Variants in MTMR11 observed in about 807,000 individuals in gnomAD.
The protein encoded by MTMR11 is myotubularin related protein 11.
A neutral mutation model predicts 100.0 loss-of-function variants in MTMR11; 89 were observed. The ratio of observed to expected loss-of-function variants is 0.89; its 90% CI spans 0.75 to 1.06. The LOEUF (loss-of-function observed/expected upper bound fraction) is 1.06. MTMR11 is among the 50% of genes least tolerant of loss of function. The pLI is 0.00. For synonymous variants in MTMR11, 336 were observed against 326.3 expected, an observed-to-expected ratio of 1.03 and a Z score of -0.32; for missense variants, 809 against 873.7, an observed-to-expected ratio of 0.93 and a Z score of 0.93.
At chr1:149,931,500 A>G in intron 12 of MTMR11, 74 bp from the exon 13 acceptor site, 1 of 1,398,320 alleles carries the variant, frequency 7.2e-7, no homozygotes, top group Non-Finnish European at 9.7e-7. Flanking sequence ...TGAGAAGAGA[A>G]ATACGGCAAG....
rs781859501 is a variant in MTMR11, at chr1:149,929,872, G to A, written c.1692C>T (p.Phe564=). 6.2e-7 allele frequency: 1 copy of A among 1,614,176 alleles called. No homozygotes were observed. Among genetic ancestry groups the A allele is most frequent in the Admixed American group, 1.7e-5 (1 of 60,026 alleles). ...VPGPPSSVWL[F]SRGALTPLNQ... is the part of the protein sequence containing the mutation. Reference sequence around the variant, plus strand: ...TCAGGGGGGTCAATGCTCCTCTAGAGAAGAGCCACACAGAACTGGGGGGTC... The same window carrying A: ...TCAGGGGGGTCAATGCTCCTCTAGAAAAGAGCCACACAGAACTGGGGGGTC... Residue 564 remains phenylalanine, a synonymous_variant, in exon 16 of 17, where the codon TTC becomes TTT. Coordinates refer to ENST00000439741, the MANE Select transcript of MTMR11 (RefSeq NM_001145862.2).
chr1:149,933,755 C>T, intron 8 of MTMR11, 57 bp from the exon 9 acceptor site: 1 of 1,610,908 alleles, frequency 6.2e-7, no homozygotes, highest in Admixed American at 1.7e-5. Context: ...CCACGCTACC[C>T]TTGCCCCCAC....
At chr1:149,936,284 C>G in intron 1 of MTMR11, 55 bp from the exon 2 acceptor site, 1 of 1,609,050 alleles carries the variant, frequency 6.2e-7, no homozygotes, top group Non-Finnish European at 8.5e-7. Context: ...CTCCCCAACT[C>G]CCCAGAGGCA....
chr1:149,931,247 G>T lies in MTMR11; in HGVS notation c.1290+13C>A. 1 of 1,613,756 alleles carries T rather than the reference G, an allele frequency of 6.2e-7. No homozygotes were observed. The highest frequency in any genetic ancestry group is 1.1e-5 in the South Asian group (1 of 91,028). ...AGTAATATGCCCCCGATGCCATCCC[G>T]AATCATTCTCACCTCTTCACTGGCC... On this transcript the variant is annotated intron_variant, in intron 13 of 16. Coordinates refer to ENST00000439741, the MANE Select transcript of MTMR11 (RefSeq NM_001145862.2).
chr1:149,935,377 C>G lies in MTMR11; in HGVS notation c.265-18G>C. 4.3e-6 allele frequency: 7 copies of G among 1,613,326 alleles called. No individual in the cohort carries two copies. The highest frequency in any genetic ancestry group is 5.9e-6 in the Non-Finnish European group (7 of 1,179,430). On this transcript the variant is annotated intron_variant, in intron 3 of 16. Transcript: ENST00000439741. ...GGAGTGTCCTAGACGAAACACGTGA[C>G]TGGGTAGACATCTGAAATCGCCCTC...
chr1:149,936,256 CTA>C (rs782734212), intron 1 of MTMR11, 27 bp from the exon 2 acceptor site: 20 of 1,613,140 alleles, frequency 1.2e-5, no homozygotes, highest in Non-Finnish European at 1.6e-5. Flanking sequence ...TGAGGGGGGT[CTA>C]GAGTTAACCC....
Position 149,936,705 on chromosome 1 carries a change from ACCC to A in MTMR11, c.-61_-59del. ...AGGGTGGGAAACCTCAAGGATGCTC[ACCC>A]ACCTCGGGGAGAGGCTGAGTCTTGT... On this transcript the variant is annotated 5_prime_UTR_variant, in exon 1 of 17. Coordinates refer to ENST00000439741, the MANE Select transcript of MTMR11 (RefSeq NM_001145862.2). 8.5e-7 allele frequency: 1 copy of A among 1,175,492 alleles called. No individual in the cohort carries two copies. Among genetic ancestry groups the A allele is most frequent in the Non-Finnish European group, 1.2e-6 (1 of 804,620 alleles). 72.8% of individuals were successfully genotyped at this position (1,175,492 alleles called of 1,614,324 possible). A position where few individuals can be genotyped will look rare whatever the true frequency, so the allele number is the denominator to read the frequency against.
At chr1:149,930,590 T>C in intron 14 of MTMR11, 43 bp from the exon 15 acceptor site, 1 of 1,531,156 alleles carries the variant, frequency 6.5e-7, no homozygotes, top group Non-Finnish European at 8.9e-7. Context: ...CACACAATCC[T>C]CCCACATCTA....
chr1:149,934,790 T>TTA (rs1257079106), intron 5 of MTMR11, among the ~76,000 whole-genome samples, 196 bp downstream of exon 5: 1 of 152,192 alleles, frequency 6.6e-6, no homozygotes, highest in African/African-American at 2.4e-5. Context: ...CTGCTGGTAA[T>TTA]TAATAGAGTA....
At chr1:149,930,092 G>A (rs1259526975) in intron 15 of MTMR11, 176 bp from the exon 16 acceptor site, 1 of 761,262 alleles carries the variant, frequency 1.3e-6, no homozygotes, top group Admixed American at 2.9e-5. Context: ...TAGGCCTCGG[G>A]ACTGATTAAG....
At chr1:149,930,654 G>A in intron 14 of MTMR11, 107 bp from the exon 15 acceptor site, 1 of 1,369,602 alleles carries the variant, frequency 7.3e-7, no homozygotes, top group South Asian at 1.4e-5. Flanking sequence ...TAGGGCAAAA[G>A]TCTCGTCCTG....
chr1:149,932,907 C>T (rs965997477), intron 10 of MTMR11, among the ~76,000 whole-genome samples: 19 of 150,628 alleles, frequency 1.3e-4, no homozygotes, highest in African/African-American at 4.4e-4. Context: ...GCCGAGATCA[C>T]GCCACTGCAC....
chr1:149,934,121 A>C lies in MTMR11; in HGVS notation c.683+70T>G. The C allele has an allele frequency of 2.5e-6, 4 of 1,603,884 alleles. No individual in the cohort carries two copies. The East Asian group carries it at 8.9e-5, about 36-fold the overall frequency. ...GAGGCTGGAGTTTGTGGGAAGTCCT[A>C]GCTTTAGAGGATCAAGGAACTAAGG... On this transcript the variant is annotated intron_variant, in intron 7 of 16. Coordinates refer to ENST00000439741, the MANE Select transcript of MTMR11 (RefSeq NM_001145862.2).
Position 149,929,795 on chromosome 1 carries a change from C to A in MTMR11, c.1769G>T (p.Arg590Leu). The stretch of plus-strand genomic sequence containing the variant: ...GGAGATAGCAGGTCGAGGGAGCCAA[C>A]GAGAAGAGACTGCCAGCAGGGAAGG... ...DSPSLLAVSS[R>L]WLPRPAISSE... Residue 590 changes from arginine to leucine, a missense_variant, in exon 16 of 17, where the codon CGT (arginine) becomes CTT (leucine). Physicochemically the swap from Arg to Leu is moderately radical, Grantham distance 102. Coordinates refer to ENST00000439741, the MANE Select transcript of MTMR11 (RefSeq NM_001145862.2). 6.2e-7 allele frequency: 1 copy of A among 1,614,134 alleles called. No individual in the cohort carries two copies.
In MTMR11 at chr1:149,936,565, A is replaced by C; in HGVS notation, c.66+17T>G. The C allele has an allele frequency of 1.3e-6, 2 of 1,499,370 alleles. No individual in the cohort carries two copies. The highest frequency in any genetic ancestry group is 1.8e-6 in the Non-Finnish European group (2 of 1,103,928). The allele number at this position is 1,499,370 out of a possible 1,614,324, so 92.9% of individuals were successfully genotyped here. A position where few individuals can be genotyped will look rare whatever the true frequency, so the allele number is the denominator to read the frequency against. ...TCTCACCCTCTTGCCGACACCCCCC[A>C]AATTCCTTCTCCTTACCCCCATCTC... is the stretch of plus-strand genomic sequence containing the variant. On this transcript the variant is annotated intron_variant, in intron 1 of 16. Transcript: ENST00000439741.
In MTMR11 at chr1:149,928,916, CA is replaced by C; in HGVS notation, c.*212del. 6.2e-7 allele frequency: 1 copy of C among 1,614,066 alleles called. No homozygotes were observed. Among genetic ancestry groups the C allele is most frequent in the Non-Finnish European group, 8.5e-7 (1 of 1,180,010 alleles). On this transcript the variant is annotated 3_prime_UTR_variant, in exon 17 of 17. Transcript: ENST00000439741. ...ATGGGATTGGCCTAAAAAAACCGATCAATTTCTGGATTGTTTTTGTTTCTTA... is the reference window on the plus strand; with the variant it reads ...ATGGGATTGGCCTAAAAAAACCGATCATTTCTGGATTGTTTTTGTTTCTTA...
chr1:149,934,836 A>G, intron 5 of MTMR11, 150 bp downstream of exon 5: 12 of 1,028,054 alleles, frequency 1.2e-5, no homozygotes, highest in South Asian at 1.7e-5. Context: ...TCATCACGCA[A>G]TCATTTATCC....
At position 149,930,446 on chromosome 1, in the gene MTMR11, A is replaced by G. The variant is rs782563145; in HGVS notation, c.1566T>C (p.Tyr522=). 3.7e-6 allele frequency: 6 copies of G among 1,614,068 alleles called. No individual in the cohort carries two copies. The highest frequency in any genetic ancestry group is 5.1e-6 in the Non-Finnish European group (6 of 1,179,938). ...QLSVWDWDLR[Y]SNAQILQFQN... ...GGAATTGTAGTATCTGTGCATTGCT[A>G]TAACGTAAATCCCAGTCCCAGACAG... is the stretch of plus-strand genomic sequence containing the variant. Residue 522 remains tyrosine (Y), a synonymous_variant, in exon 15 of 17, where the codon TAT becomes TAC. Transcript: ENST00000439741.
chr1:149,932,137 C>G, intron 11 of MTMR11, 123 bp from the exon 12 acceptor site: 1 of 1,370,120 alleles, frequency 7.3e-7, no homozygotes, highest in Non-Finnish European at 1.0e-6. Flanking sequence ...TTCTAAAGAG[C>G]AGAAAATGGC....
Sources: gnomAD v4.1 joint callset for allele counts (sites outside exome capture counted in the v4.1 genomes callset) on GRCh38, gnomAD v4.1.1 for gene constraint, MANE v1.5 for transcripts, NCBI Gene and HGNC (gene_info 2026-07-23, HGNC 2026-07-21) for gene names.